MROH7: variants seen among roughly 807,000 people sequenced by gnomAD.
MROH7 encodes the protein maestro heat like repeat family member 7.
Under a neutral mutation model 129.2 loss-of-function variants are expected in MROH7, and 113 were observed. The observed-to-expected ratio is 0.87, with a 90% CI of 0.75 to 1.02. The LOEUF is 1.02. Ranked by LOEUF, MROH7 falls within the 50% of genes least tolerant of loss-of-function variation. The pLI is 0.00. For synonymous variants in MROH7, 655 were observed against 667.9 expected, an observed-to-expected ratio of 0.98 and a Z score of 0.30; for missense variants, 1,601 against 1,671.3, an observed-to-expected ratio of 0.96 and a Z score of 0.73.
In MROH7 at chr1:54,654,057, G is replaced by T; in HGVS notation, c.1131G>T (p.Trp377Cys). The change falls in exon 3 of 24, where the codon TGG becomes TGT. Residue 377 changes from tryptophan to cysteine, a missense_variant. Trp to Cys is a radical substitution (Grantham distance 215). Coordinates refer to ENST00000421030, the MANE Select transcript of MROH7 (RefSeq NM_001039464.4). ...TVPLEENLES[W>C]SEMASIKVGQ... ...CCCTGGAGGAGAATCTGGAGAGTTG[G>T]AGTGAGATGGCCAGCATTAAGGTGG... 6.2e-7 allele frequency: 1 copy of T among 1,614,156 alleles called. No homozygotes were observed. Among genetic ancestry groups the T allele is most frequent in the South Asian group, 1.1e-5 (1 of 91,076 alleles).
intron 14 of MROH7, 82 bp downstream of exon 14, chr1:54,682,876 C>A (rs573998980): frequency 1.3e-5 from 19 of 1,497,426 alleles, no homozygotes; most frequent in Non-Finnish European, 1.7e-5. Flanking sequence ...TAAGCACACC[C>A]GGCCTCGAGT....
At position 54,674,133 on chromosome 1, in the gene MROH7, A is replaced by G. The variant is rs1399582214; in HGVS notation, c.1918A>G (p.Ile640Val). The change falls in exon 10 of 24, where the codon ATT becomes GTT. Residue 640 changes from isoleucine (I) to valine (V), a missense_variant. Transcript: ENST00000421030. ...GGACGGCATCATCATCCTCTACACT[A>G]TTCTGGAGCTCCAAAAACGTAAGCC... Reference protein sequence around the residue: ...ALDGIIILYTILELQKRARDK... With the variant: ...ALDGIIILYTVLELQKRARDK... The G allele has an allele frequency of 3.1e-6, 5 of 1,613,316 alleles. No individual in the cohort carries two copies. Among genetic ancestry groups the G allele is most frequent in the Non-Finnish European group, 4.2e-6 (5 of 1,179,852 alleles).
intron 14 of MROH7, 66 bp from the exon 15 acceptor site, chr1:54,686,192 G>A (rs1247792886): frequency 1.4e-6 from 2 of 1,449,964 alleles, no homozygotes; most frequent in African/African-American, 1.4e-5. Context: ...AGGCAGTCCA[G>A]GCCCCAGCCA....
At chr1:54,690,636 G>T (rs1358229632) in intron 15 of MROH7, among the ~76,000 whole-genome samples, 1 of 152,050 alleles carries the variant, frequency 6.6e-6, no homozygotes, top group Non-Finnish European at 1.5e-5. Context: ...GTAGAGACAG[G>T]ATTTCACCAT....
At chr1:54,655,723 T>A (rs1390555940) in intron 3 of MROH7, among the ~76,000 whole-genome samples, 1 of 151,868 alleles carries the variant, frequency 6.6e-6, no homozygotes, top group Non-Finnish European at 1.5e-5. Flanking sequence ...TTCTTAGGGA[T>A]TTTTTTAGGG....
chr1:54,657,275 T>G (rs566113442), intron 3 of MROH7, among the ~76,000 whole-genome samples: 1 of 152,208 alleles, frequency 6.6e-6, no homozygotes, highest in East Asian at 1.9e-4. Context: ...GGTCTTGAAC[T>G]TCTGGGCTCA....
chr1:54,652,697 G>T (rs1343852884), intron 2 of MROH7, among the ~76,000 whole-genome samples, 156 bp from the exon 3 acceptor site: 2 of 152,196 alleles, frequency 1.3e-5, no homozygotes, highest in Admixed American at 6.5e-5. Context: ...AGACTGTGGA[G>T]GCAAGTGGCA....
At chr1:54,662,298 G>A (rs1257427931) in intron 3 of MROH7, among the ~76,000 whole-genome samples, 2 of 152,088 alleles carry the variant, frequency 1.3e-5, no homozygotes, top group Non-Finnish European at 2.9e-5. Flanking sequence ...CACTTTTGGA[G>A]GCCGAGGCGG....
In MROH7 at chr1:54,687,864, T is replaced by C. The variant is rs115108183; in HGVS notation, c.2711+1416T>C. Among the ~76,000 whole-genome samples the C allele has an allele frequency of 8.1e-3, 1,153 of 142,668 alleles. 25 individuals are homozygous for C. Among genetic ancestry groups the C allele is most frequent in the African/African-American group, 0.028 (1,091 of 38,316 alleles). The allele number at this position is 142,668 out of a possible 152,430, so 93.6% of individuals were successfully genotyped here. A position where few individuals can be genotyped will look rare whatever the true frequency, so the allele number is the denominator to read the frequency against. On this transcript the variant is annotated intron_variant, in intron 15 of 23. Transcript: ENST00000421030. ...TTATGAATGACATTGAGTTTGCTTT[T>C]TTTCTTTCTTTTTTTTTTTTTTGAG... is the stretch of plus-strand genomic sequence containing the variant.
chr1:54,673,644 C>T (rs1214259729), intron 8 of MROH7, 57 bp from the exon 9 acceptor site: 1 of 1,376,094 alleles, frequency 7.3e-7, no homozygotes, highest in South Asian at 1.2e-5. Context: ...CCTGTCCACC[C>T]AGCAGCAGGG....
intron 3 of MROH7, among the ~76,000 whole-genome samples, chr1:54,660,505 T>C (rs1569878488): frequency 6.6e-6 from 1 of 152,276 alleles, no homozygotes; most frequent in South Asian, 2.1e-4. Context: ...CAAGGTTTGG[T>C]GTTATCAGTT....
At position 54,710,061 on chromosome 1, in the gene MROH7, A is replaced by G. The variant is rs1436379326; in HGVS notation, c.3846A>G (p.Ser1282=). The change falls in exon 24 of 24, where the codon TCA becomes TCG. Residue 1282 remains serine, a synonymous_variant. Transcript: ENST00000421030. ...WQNSWLPHGN[S]WVCYSATTHR... is the part of the protein sequence containing the mutation. ...ACTCCTGGCTGCCGCACGGGAACTC[A>G]TGGGTGTGTTACTCAGCCACCACCC... The G allele has an allele frequency of 4.3e-6, 7 of 1,613,694 alleles. No homozygotes were observed. The highest frequency in any genetic ancestry group is 1.3e-5 in the African/African-American group (1 of 74,898).
chr1:54,704,404 G>A (rs72907965), intron 21 of MROH7, among the ~76,000 whole-genome samples: 2,136 of 150,604 alleles, frequency 0.014, 59 homozygotes, highest in African/African-American at 0.046. Flanking sequence ...AGGTCCTCTG[G>A]TTTCATGAGA....
Position 54,709,209 on chromosome 1 carries a change from T to TTTTG in MROH7, c.3730+157_3730+160dup, listed in dbSNP as rs145713883. The TTTTG allele has an allele frequency of 6.2e-4, 499 of 808,774 alleles. 1 individual carries two copies. The highest frequency in any genetic ancestry group is 2.7e-3 in the African/African-American group (159 of 58,262). 50.1% of individuals were successfully genotyped at this position (808,774 alleles called of 1,614,324 possible). On this transcript the variant is annotated intron_variant, in intron 23 of 23. Coordinates refer to ENST00000421030, the MANE Select transcript of MROH7 (RefSeq NM_001039464.4). ...TCAACTCAGTTCAGTTGTACTAGTT[T>TTTTG]TTTGTTTGTTTGTTTGTTTGTTTGT...
chr1:54,709,964 A>G lies in MROH7; in HGVS notation c.3749A>G (p.His1250Arg). The G allele has an allele frequency of 2.5e-6, 4 of 1,613,120 alleles. No homozygotes were observed. The highest frequency in any genetic ancestry group is 1.1e-5 in the South Asian group (1 of 91,072). ...EVKAALDNLR[H>R]DPEASVCIYA... ...GACGCAGCTCTGGATAACTTGAGAC[A>G]TGACCCAGAAGCATCAGTGTGCATC... The change falls in exon 24 of 24, where the codon CAT becomes CGT. Residue 1250 changes from histidine to arginine, a missense_variant. Coordinates refer to ENST00000421030, the MANE Select transcript of MROH7 (RefSeq NM_001039464.4).
chr1:54,646,964 G>A (rs1644476408), intron 1 of MROH7, among the ~76,000 whole-genome samples: 1 of 152,186 alleles, frequency 6.6e-6, no homozygotes, highest in Non-Finnish European at 1.5e-5. Flanking sequence ...TGTTTCACAT[G>A]CATGAGTACT....
At chr1:54,679,123 G>C (rs1645027448) in intron 11 of MROH7, 140 bp from the exon 12 acceptor site, 1 of 890,850 alleles carries the variant, frequency 1.1e-6, no homozygotes, top group Non-Finnish European at 1.9e-6. Context: ...ACACTTATGT[G>C]TTAACTGAAT....
At chr1:54,687,555 G>A (rs547461663) in intron 15 of MROH7, among the ~76,000 whole-genome samples, 1 of 152,096 alleles carries the variant, frequency 6.6e-6, no homozygotes, top group East Asian at 1.9e-4. Context: ...TTATATGTAG[G>A]ACAATTCCTG....
chr1:54,648,015 A>G (rs1644495372), intron 1 of MROH7, among the ~76,000 whole-genome samples: 1 of 151,844 alleles, frequency 6.6e-6, no homozygotes, highest in African/African-American at 2.4e-5. Context: ...TGTTGAAAAG[A>G]CTATTATTTT....
Sources: allele counts gnomAD v4.1 joint callset (sites outside exome capture counted in the v4.1 genomes callset), GRCh38; gene constraint gnomAD v4.1.1; transcripts MANE v1.5; gene names NCBI Gene and HGNC (gene_info 2026-07-23, HGNC 2026-07-21).